Variants in INPP4B observed in about 807,000 individuals in gnomAD.
The protein encoded by INPP4B is inositol polyphosphate 4-phosphatase type II.
INPP4B carries 55 observed loss-of-function variants against 122.5 expected under a neutral mutation model. The observed-to-expected ratio is 0.45, with a 90% confidence interval of 0.36 to 0.56. The LOEUF (loss-of-function observed/expected upper bound fraction) is 0.56. Among genes scored for constraint, INPP4B ranks in the 20% least tolerant of loss-of-function variants. The probability of loss-of-function intolerance (pLI) is 0.00; values close to 1 mark genes in which losing one functional copy is unlikely to be tolerated. For synonymous variants in INPP4B, 403 were observed against 388.7 expected, an observed-to-expected ratio of 1.04 and a Z score of -0.43; for missense variants, 1,000 against 1,097.7, an observed-to-expected ratio of 0.91 and a Z score of 1.26.
chr4:142,192,996 C>T (rs928965882), intron 15 of INPP4B, 91 bp downstream of exon 15: 9 of 731,980 alleles, frequency 1.2e-5, no homozygotes, highest in Non-Finnish European at 2.2e-5. Flanking sequence ...AAGAACTATA[C>T]ATTGTGATGG....
At chr4:142,598,716 G>A (rs1201122142) in intron 2 of INPP4B, among the ~76,000 whole-genome samples, 1 of 152,198 alleles carries the variant, frequency 6.6e-6, no homozygotes, top group East Asian at 1.9e-4. Context: ...CCCAACCTCA[G>A]CAGCAGCACA....
chr4:142,704,297 C>A (rs1580739786), intron 2 of INPP4B, among the ~76,000 whole-genome samples: 1 of 152,112 alleles, frequency 6.6e-6, no homozygotes, highest in African/African-American at 2.4e-5. Context: ...TTTTCAGCAA[C>A]AAATCAGTAA....
intron 11 of INPP4B, among the ~76,000 whole-genome samples, chr4:142,249,246 A>T (rs1205884436): frequency 6.6e-6 from 1 of 151,832 alleles, no homozygotes; most frequent in Non-Finnish European, 1.5e-5. Flanking sequence ...AGTGGGGGAA[A>T]CTCACTCTAA....
chr4:142,785,495 T>A (rs1450503104), intron 1 of INPP4B, among the ~76,000 whole-genome samples: 1 of 151,818 alleles, frequency 6.6e-6, no homozygotes, highest in East Asian at 1.9e-4. Context: ...TAAGAAAGAA[T>A]CAAAAGAACA....
chr4:142,193,305 A>G, intron 14 of INPP4B, 110 bp from the exon 15 acceptor site: 1 of 653,654 alleles, frequency 1.5e-6, no homozygotes. Context: ...TATTCTGTTT[A>G]ATTTTTTAGG....
chr4:142,209,185 T>C (rs1843806641), intron 12 of INPP4B, among the ~76,000 whole-genome samples, 159 bp from the exon 13 acceptor site: 1 of 152,214 alleles, frequency 6.6e-6, no homozygotes, highest in African/African-American at 2.4e-5. Flanking sequence ...AAAAATTATT[T>C]TAGCACAAAA....
At chr4:142,540,985 C>G (rs1035629774) in intron 2 of INPP4B, among the ~76,000 whole-genome samples, 1 of 152,146 alleles carries the variant, frequency 6.6e-6, no homozygotes, top group Non-Finnish European at 1.5e-5. Context: ...CTATGTTAGA[C>G]AGAAAGACAT....
intron 2 of INPP4B, among the ~76,000 whole-genome samples, chr4:142,697,525 A>T (rs1220840382): frequency 6.6e-6 from 1 of 152,192 alleles, no homozygotes; most frequent in African/African-American, 2.4e-5. Flanking sequence ...ATTACATAAA[A>T]CTGTCAATCA....
intron 7 of INPP4B, among the ~76,000 whole-genome samples, chr4:142,326,255 A>G (rs1267364774): frequency 1.3e-5 from 2 of 152,220 alleles, no homozygotes; most frequent in Non-Finnish European, 2.9e-5. Flanking sequence ...ACCTCTAAAA[A>G]GCTGTACAAA....
chr4:142,329,084 A>G (rs978121751), intron 7 of INPP4B, among the ~76,000 whole-genome samples: 1 of 152,242 alleles, frequency 6.6e-6, no homozygotes, highest in Non-Finnish European at 1.5e-5. Flanking sequence ...GGTCATGAAC[A>G]AGGAATAATC....
chr4:142,388,564 A>AT (rs1347237334), intron 7 of INPP4B, among the ~76,000 whole-genome samples: 4 of 152,146 alleles, frequency 2.6e-5, no homozygotes, highest in Admixed American at 6.5e-5. Flanking sequence ...AACCCTAGGA[A>AT]TTGAAAATGA....
Position 142,259,204 on chromosome 4 carries a change from T to C in INPP4B, c.688+1288A>G, listed in dbSNP as rs1328181098. On this transcript the variant is annotated intron_variant, in intron 11 of 25. Coordinates refer to ENST00000262992, the MANE Select transcript of INPP4B (RefSeq NM_001101669.3). ...GAATATCACACTCTGGGGACTGTTG[T>C]GGGGTGGGGGGAGGGGGGAGGGATA... is the stretch of plus-strand genomic sequence containing the variant. 5.3e-5 allele frequency among the ~76,000 whole-genome samples: 4 copies of C among 75,886 alleles called. No homozygotes were observed. In the East Asian group the frequency reaches 1.5e-3, roughly 28 times the overall value. The allele number at this position is 75,886 out of a possible 152,430, so 49.8% of individuals were successfully genotyped here.
chr4:142,130,752 A>G (rs1800847074), intron 18 of INPP4B, among the ~76,000 whole-genome samples: 1 of 152,194 alleles, frequency 6.6e-6, no homozygotes, highest in Admixed American at 6.5e-5. Flanking sequence ...GACTGATCTT[A>G]GCACCTTCCA....
intron 18 of INPP4B, among the ~76,000 whole-genome samples, chr4:142,144,795 T>C (rs550480047): frequency 6.6e-6 from 1 of 152,116 alleles, no homozygotes; most frequent in Non-Finnish European, 1.5e-5. Flanking sequence ...AATCAAGTGA[T>C]GAAAGATTGA....
At chr4:142,787,218 A>G (rs578189230) in intron 1 of INPP4B, among the ~76,000 whole-genome samples, 146 of 152,292 alleles carry the variant, frequency 9.6e-4, no homozygotes, top group African/African-American at 3.1e-3. Flanking sequence ...TTATCCTTCA[A>G]ATAGCATGTG....
intron 7 of INPP4B, among the ~76,000 whole-genome samples, chr4:142,387,835 C>T (rs1796446499): frequency 6.6e-6 from 1 of 152,058 alleles, no homozygotes; most frequent in South Asian, 2.1e-4. Context: ...GAATGTGAGC[C>T]TAGGTCCCCA....
intron 1 of INPP4B, among the ~76,000 whole-genome samples, chr4:142,759,535 T>A (rs753816827): frequency 7.2e-5 from 11 of 152,110 alleles, no homozygotes; most frequent in Non-Finnish European, 1.6e-4. Flanking sequence ...TCTCTTGTAG[T>A]ACTTAAAATG....
chr4:142,651,316 GA>G (rs1278396350), intron 2 of INPP4B, among the ~76,000 whole-genome samples: 2 of 152,002 alleles, frequency 1.3e-5, no homozygotes, highest in East Asian at 3.9e-4. Context: ...AAGAACTAGA[GA>G]AGCAAGAGCA....
intron 3 of INPP4B, among the ~76,000 whole-genome samples, chr4:142,440,324 G>C (rs1176509432): frequency 6.6e-6 from 1 of 152,128 alleles, no homozygotes; most frequent in African/African-American, 2.4e-5. Flanking sequence ...ACCAAATAAG[G>C]GCTCAAATAA....
Sources: allele counts gnomAD v4.1 joint callset (sites outside exome capture counted in the v4.1 genomes callset), GRCh38; gene constraint gnomAD v4.1.1; transcripts MANE v1.5; gene names NCBI Gene and HGNC (gene_info 2026-07-23, HGNC 2026-07-21).